Variants in JAG1 observed in about 807,000 individuals in gnomAD.
JAG1 encodes jagged canonical Notch ligand 1.
Under a neutral mutation model 148.7 loss-of-function variants are expected in JAG1, and 23 were observed. The observed-to-expected ratio is 0.15, with a 90% CI of 0.11 to 0.22. The LOEUF is 0.22. JAG1 is among the 10% of genes least tolerant of loss of function. JAG1 has a pLI of 1.00. For synonymous variants in JAG1, 572 were observed against 598.3 expected, an observed-to-expected ratio of 0.96 and a Z score of 0.64; for missense variants, 1,054 against 1,611.2, an observed-to-expected ratio of 0.65 and a Z score of 5.92.
chr20:10,671,950 C>T (rs1161797188), intron 2 of JAG1, among the ~76,000 whole-genome samples: 1 of 151,990 alleles, frequency 6.6e-6, no homozygotes, highest in Non-Finnish European at 1.5e-5. Flanking sequence ...TTGCGGGGGC[C>T]GTGCACCCGC....
At chr20:10,660,829 AG>A (rs1302261838) in intron 3 of JAG1, among the ~76,000 whole-genome samples, 2 of 152,184 alleles carry the variant, frequency 1.3e-5, no homozygotes, top group African/African-American at 4.8e-5. Flanking sequence ...TGACTGGAAA[AG>A]GACATCACCA....
At chr20:10,651,480 C>A in intron 8 of JAG1, 101 bp downstream of exon 8, 1 of 759,822 alleles carries the variant, frequency 1.3e-6, no homozygotes, top group Admixed American at 2.1e-5. Context: ...GCCCCTCTCT[C>A]ACCGAGACAT....
chr20:10,649,100 A>C lies in JAG1; in HGVS notation c.1356T>G (p.Asn452Lys). The C allele has an allele frequency of 6.2e-7, 1 of 1,603,748 alleles. No individual in the cohort carries two copies. Among genetic ancestry groups the C allele is most frequent in the Non-Finnish European group, 8.5e-7 (1 of 1,170,620 alleles). The change falls in exon 11 of 26, where the codon AAT (asparagine) becomes AAG (lysine). Residue 452 changes from asparagine to lysine, a missense_variant. This residue lies in a region of JAG1 where 245 missense variants were observed against 373.1 expected (regional missense o/e 0.66). Transcript: ENST00000254958. ...CATTCTGACACTGGCCAAGGCAGTCATTAATATCTAAAAAATAAATAAGTC... is the reference window on the plus strand; with the variant it reads ...CATTCTGACACTGGCCAAGGCAGTCCTTAATATCTAAAAAATAAATAAGTC... ...WMGQNCDININDCLGQCQNDA... is the reference protein window; with the variant it reads ...WMGQNCDINIKDCLGQCQNDA...
intron 2 of JAG1, among the ~76,000 whole-genome samples, chr20:10,668,292 T>G (rs575048909): frequency 3.9e-5 from 6 of 152,158 alleles, no homozygotes; most frequent in South Asian, 2.1e-4. Context: ...CCAATGTATC[T>G]TCCAACAGTT....
At chr20:10,640,614 A>G (rs1199931374) in intron 25 of JAG1, among the ~76,000 whole-genome samples, 169 bp downstream of exon 25, 1 of 152,234 alleles carries the variant, frequency 6.6e-6, no homozygotes, top group African/African-American at 2.4e-5. Flanking sequence ...CTCTGTTCCC[A>G]TGGGCCATGT....
At chr20:10,661,923 C>T (rs1231367345) in intron 3 of JAG1, among the ~76,000 whole-genome samples, 6 of 152,152 alleles carry the variant, frequency 3.9e-5, no homozygotes, top group South Asian at 2.1e-4. Context: ...GTACACAGAT[C>T]GCCTTCTATA....
In JAG1 at chr20:10,642,064, A is replaced by G. The variant is rs556197544; in HGVS notation, c.2573-172T>C. Among the ~76,000 whole-genome samples the G allele has an allele frequency of 8.1e-4, 123 of 152,230 alleles. 2 individuals carry two copies. The highest frequency in any genetic ancestry group is 5.8e-4 in the East Asian group (3 of 5,168). On this transcript the variant is annotated intron_variant, in intron 21 of 25. Coordinates refer to ENST00000254958, the MANE Select transcript of JAG1 (RefSeq NM_000214.3). ...GCCTTTGCTGGCTCTGCGCTTGGCCACAAGACTTGCTCTGGCCAATGTAAC... is the reference window on the plus strand; with the variant it reads ...GCCTTTGCTGGCTCTGCGCTTGGCCGCAAGACTTGCTCTGGCCAATGTAAC...
chr20:10,653,307 A>G (rs1390004425), intron 5 of JAG1, among the ~76,000 whole-genome samples: 1 of 148,904 alleles, frequency 6.7e-6, no homozygotes, highest in Non-Finnish European at 1.5e-5. Flanking sequence ...TGCTTAATTT[A>G]TCTAGTATTG....
At chr20:10,643,919 C>T in intron 19 of JAG1, 56 bp from the exon 20 acceptor site, 1 of 1,319,766 alleles carries the variant, frequency 7.6e-7, no homozygotes, top group Non-Finnish European at 1.1e-6. Context: ...ACTCTGGCTG[C>T]CAATCACTCA....
chr20:10,659,370 A>G (rs1190364911), intron 3 of JAG1, among the ~76,000 whole-genome samples: 1 of 152,216 alleles, frequency 6.6e-6, no homozygotes, highest in Non-Finnish European at 1.5e-5. Flanking sequence ...ACATTGCCAT[A>G]CTGACTTGCA....
At chr20:10,652,432 A>G in intron 6 of JAG1, 36 bp downstream of exon 6, 1 of 1,611,712 alleles carries the variant, frequency 6.2e-7, no homozygotes, top group Non-Finnish European at 8.5e-7. Flanking sequence ...TCCCACCCCC[A>G]GATCCCACCC....
rs773039520 is a variant in JAG1, at chr20:10,646,926, G to A, written c.1885+13C>T. ...GGGGAGCACTGGTCCATTCCCGGAT[G>A]AGGGAGTCTTACTTTCATGGCAGTA... is the stretch of plus-strand genomic sequence containing the variant. On this transcript the variant is annotated intron_variant, in intron 14 of 25. Transcript: ENST00000254958. 9.9e-6 allele frequency: 16 copies of A among 1,613,758 alleles called. 1 individual carries two copies. The South Asian group carries it at 1.3e-4, about 13-fold the overall frequency.
chr20:10,648,430 G>C, intron 12 of JAG1, 119 bp downstream of exon 12: 1 of 851,354 alleles, frequency 1.2e-6, no homozygotes, highest in Non-Finnish European at 2.0e-6. Flanking sequence ...TCATCAATAG[G>C]ATGTTAATAG....
chr20:10,648,912 G>A (rs547844791), intron 11 of JAG1, 149 bp downstream of exon 11: 6 of 877,378 alleles, frequency 6.8e-6, no homozygotes, highest in Non-Finnish European at 1.1e-5. Context: ...ACGAGGCTGG[G>A]GTAACATAAG....
chr20:10,644,892 T>C lies in JAG1; in HGVS notation c.2315A>G (p.Glu772Gly). Residue 772 changes from glutamate (E) to glycine (G), a missense_variant, in exon 18 of 26, where the codon GAA becomes GGA. This residue lies in a region of JAG1 where 342 missense variants were observed against 514.6 expected (regional missense o/e 0.66). Transcript: ENST00000254958. ...AGCACAGATGGGCCCCTCCCAGCCT[T>C]CCTTGCAGACGCACGTAAAGGACTC... ...NGESFTCVCK[E>G]GWEGPICAQN... is the part of the protein sequence containing the mutation. 1 of 1,614,010 alleles carries C rather than the reference T, an allele frequency of 6.2e-7. No homozygotes were observed. The highest frequency in any genetic ancestry group is 8.5e-7 in the Non-Finnish European group (1 of 1,179,948).
At chr20:10,664,697 G>A (rs1398491184) in intron 2 of JAG1, among the ~76,000 whole-genome samples, 1 of 152,132 alleles carries the variant, frequency 6.6e-6, no homozygotes, top group Non-Finnish European at 1.5e-5. Context: ...TACAAAGGGA[G>A]AAACAACCGC....
At chr20:10,655,780 GCCATCGTGAAGTGGTCAGGGCAGGCCT>G (rs1281183944) in intron 5 of JAG1, among the ~76,000 whole-genome samples, 3 of 152,094 alleles carry the variant, frequency 2.0e-5, no homozygotes, top group Non-Finnish European at 4.4e-5. Context: ...TCCAAAACCC[GCCATCGTGAAGTGGTCAGGGCAGGCCT>G]CCCTTTGGCT....
At chr20:10,644,492 G>T in intron 18 of JAG1, 108 bp from the exon 19 acceptor site, 2 of 855,850 alleles carry the variant, frequency 2.3e-6, no homozygotes, top group Non-Finnish European at 3.9e-6. Flanking sequence ...TAAAGTCGTA[G>T]TTAACACCAG....
intron 4 of JAG1, among the ~76,000 whole-genome samples, chr20:10,657,922 C>A (rs1420866304): frequency 6.6e-6 from 1 of 152,196 alleles, no homozygotes; most frequent in Non-Finnish European, 1.5e-5. Flanking sequence ...ACTGGGCTGA[C>A]CTAGTCCTGT....
Sources: gnomAD v4.1 joint callset for allele counts (sites outside exome capture counted in the v4.1 genomes callset) on GRCh38, gnomAD v4.1.1 for gene constraint, gnomAD v4.1.1 regional missense constraint, MANE v1.5 for transcripts, NCBI Gene and HGNC (gene_info 2026-07-23, HGNC 2026-07-21) for gene names.